The following ERBB4 variants were observed in gnomAD, a reference collection of about 807,000 sequenced individuals.
ERBB4 encodes the protein erb-b2 receptor tyrosine kinase 4.
ERBB4 carries 42 observed loss-of-function variants against 158.0 expected under a neutral mutation model. The observed-to-expected ratio is 0.27, with a 90% CI of 0.21 to 0.34. The LOEUF is 0.34. ERBB4 is among the 10% of genes least tolerant of loss of function. ERBB4 has a pLI of 1.00. For missense variants in ERBB4, 1,333 were observed against 1,624.1 expected, an observed-to-expected ratio of 0.82 and a Z score of 3.08; for synonymous variants, 583 against 558.7, an observed-to-expected ratio of 1.04 and a Z score of -0.61.
intron 2 of ERBB4, among the ~76,000 whole-genome samples, chr2:212,012,067 T>C (rs887029034): frequency 1.3e-4 from 20 of 152,222 alleles, no homozygotes; most frequent in African/African-American, 4.6e-4. Flanking sequence ...TTTTTTAGTA[T>C]AATTATGAAC....
At chr2:211,795,360 G>A (rs528371081) in intron 3 of ERBB4, among the ~76,000 whole-genome samples, 12 of 151,704 alleles carry the variant, frequency 7.9e-5, no homozygotes, top group South Asian at 2.1e-4. Context: ...TTGTACTCAC[G>A]GTATCTGTCG....
At chr2:211,590,762 T>A (rs560600893) in intron 19 of ERBB4, among the ~76,000 whole-genome samples, 2 of 152,310 alleles carry the variant, frequency 1.3e-5, no homozygotes, top group East Asian at 3.9e-4. Context: ...TTCCCCTGTC[T>A]TGGGAAATCG....
chr2:211,947,410 A>C lies in ERBB4; in HGVS notation c.421+20T>G. On this transcript the variant is annotated intron_variant, in intron 3 of 27. Coordinates refer to ENST00000342788, the MANE Select transcript of ERBB4 (RefSeq NM_005235.3). ...TATTGATAATGAAAGCATATTTGCC[A>C]TTTTGGATATATTCCTTACCTGTCA... The C allele has an allele frequency of 6.2e-7, 1 of 1,602,402 alleles. No individual in the cohort carries two copies. The highest frequency in any genetic ancestry group is 8.5e-7 in the Non-Finnish European group (1 of 1,169,716).
At position 211,722,463 on chromosome 2, in the gene ERBB4, G is replaced by A. The variant is rs374973037; in HGVS notation, c.813C>T (p.Thr271=). The A allele has an allele frequency of 4.3e-6, 7 of 1,613,494 alleles. No homozygotes were observed. The highest frequency in any genetic ancestry group is 5.9e-6 in the Non-Finnish European group (7 of 1,179,542). The change falls in exon 7 of 28, where the codon ACC becomes ACT. Residue 271 remains threonine, a synonymous_variant. Coordinates refer to ENST00000342788, the MANE Select transcript of ERBB4 (RefSeq NM_005235.3). ...TGAAATTGTGCTCCAGTTGAAAGGT[G>A]GTTGGATTGTAGACAAAGGTTTGGG... The part of the protein sequence containing the change: ...QCPQTFVYNP[T]TFQLEHNFNA...
intron 2 of ERBB4, among the ~76,000 whole-genome samples, chr2:212,019,937 G>A (rs956261528): frequency 1.4e-4 from 22 of 151,732 alleles, no homozygotes; most frequent in African/African-American, 4.6e-4. Context: ...TCAATAAAAT[G>A]GTAACTAATT....
At chr2:211,713,731 TA>T in intron 7 of ERBB4, 83 bp from the exon 8 acceptor site, 1 of 792,668 alleles carries the variant, frequency 1.3e-6, no homozygotes, top group Non-Finnish European at 2.2e-6. Context: ...TTTTAGGGTT[TA>T]AAAATGATTA....
intron 2 of ERBB4, among the ~76,000 whole-genome samples, chr2:212,078,741 T>G (rs1224389173): frequency 6.6e-6 from 1 of 151,670 alleles, no homozygotes; most frequent in African/African-American, 2.4e-5. Flanking sequence ...CTAATTGTAG[T>G]TTTTGTTTAC....
intron 2 of ERBB4, among the ~76,000 whole-genome samples, chr2:212,010,800 CAGACACTCCCAG>C (rs2076367887): frequency 6.6e-6 from 1 of 152,120 alleles, no homozygotes; most frequent in South Asian, 2.1e-4. Flanking sequence ...CCACATAAGA[CAGACACTCCCAG>C]AGGGGCCGTT....
At chr2:212,104,152 C>T (rs2079159464) in intron 2 of ERBB4, among the ~76,000 whole-genome samples, 1 of 152,108 alleles carries the variant, frequency 6.6e-6, no homozygotes, top group South Asian at 2.1e-4. Flanking sequence ...TTTGTTCACA[C>T]TTCTATATGA....
chr2:211,570,324 G>GTT (rs2067680764), intron 19 of ERBB4, among the ~76,000 whole-genome samples: 1 of 40,974 alleles, frequency 2.4e-5, no homozygotes, highest in African/African-American at 1.1e-4. Context: ...GCTAATTTTT[G>GTT]CTTTTTTTTT....
intron 1 of ERBB4, among the ~76,000 whole-genome samples, chr2:212,296,267 T>A (rs1359220799): frequency 1.3e-5 from 2 of 151,940 alleles, no homozygotes; most frequent in African/African-American, 4.8e-5. Context: ...TCCGTGCAGC[T>A]TTCTACTAAT....
chr2:212,161,713 T>C (rs755569449), intron 1 of ERBB4, among the ~76,000 whole-genome samples: 8 of 151,910 alleles, frequency 5.3e-5, no homozygotes, highest in Non-Finnish European at 1.2e-4. Flanking sequence ...ATTTACCATC[T>C]GGCAGTACAC....
intron 3 of ERBB4, among the ~76,000 whole-genome samples, chr2:211,896,042 T>G (rs1465635372): frequency 6.6e-6 from 1 of 152,140 alleles, no homozygotes; most frequent in Non-Finnish European, 1.5e-5. Context: ...CCAAGGTCAG[T>G]CACTGGATCC....
intron 4 of ERBB4, among the ~76,000 whole-genome samples, chr2:211,773,614 ATATATATATATATATAT>A (rs1182316159): frequency 2.6e-4 from 11 of 42,662 alleles, no homozygotes; most frequent in African/African-American, 1.6e-3. Flanking sequence ...ATATATATAT[ATATATATATATATATAT>A]ATATATATAT....
intron 1 of ERBB4, among the ~76,000 whole-genome samples, chr2:212,172,820 T>C (rs961344894): frequency 6.6e-6 from 1 of 152,052 alleles, no homozygotes; most frequent in Non-Finnish European, 1.5e-5. Flanking sequence ...TCAGGAAGAA[T>C]AGCTAATGGA....
intron 3 of ERBB4, among the ~76,000 whole-genome samples, chr2:211,901,227 A>G (rs2079227094): frequency 6.6e-6 from 1 of 152,178 alleles, no homozygotes. Flanking sequence ...AACCTTGAAT[A>G]AGTCACTTAG....
At chr2:212,506,750 G>A (rs561999928) in intron 1 of ERBB4, among the ~76,000 whole-genome samples, 1 of 152,188 alleles carries the variant, frequency 6.6e-6, no homozygotes, top group Non-Finnish European at 1.5e-5. Flanking sequence ...TTTAAGGATA[G>A]AAGCTGGTTC....
chr2:211,942,921 G>T (rs986616351), intron 3 of ERBB4, among the ~76,000 whole-genome samples: 1 of 151,978 alleles, frequency 6.6e-6, no homozygotes. Flanking sequence ...TCGTACCTAG[G>T]TTATCATTGC....
chr2:211,480,076 C>A (rs1455157561), intron 20 of ERBB4, among the ~76,000 whole-genome samples: 1 of 152,158 alleles, frequency 6.6e-6, no homozygotes, highest in East Asian at 1.9e-4. Flanking sequence ...TCTGATCTAT[C>A]TGCCACCATT....
Sources: allele counts gnomAD v4.1 joint callset (sites outside exome capture counted in the v4.1 genomes callset), GRCh38; gene constraint gnomAD v4.1.1; transcripts MANE v1.5; gene names NCBI Gene and HGNC (gene_info 2026-07-23, HGNC 2026-07-21).